TUT4: variants seen among roughly 807,000 people sequenced by gnomAD.
TUT4 encodes terminal uridylyl transferase 4, also known as terminal uridylyltransferase 4.
A neutral mutation model predicts 192.2 loss-of-function variants in TUT4; 36 were observed. The observed-to-expected ratio is 0.19, with a 90% CI of 0.14 to 0.25. The LOEUF is 0.25. TUT4 is among the 10% of genes least tolerant of loss of function. The pLI is 1.00. For missense variants in TUT4, 1,493 were observed against 1,957.2 expected (o/e 0.76, Z 4.47); for synonymous variants, 618 against 666.0 (o/e 0.93, Z 1.11).
chr1:52,495,683 T>G (rs1672278474), intron 5 of TUT4, among the ~76,000 whole-genome samples, 168 bp from the exon 6 acceptor site: 1 of 152,122 alleles, frequency 6.6e-6, no homozygotes. Flanking sequence ...AATAAAAAAA[T>G]GGTTCCCAGT....
Position 52,425,388 on chromosome 1 carries a change from T to C in TUT4, c.4831A>G (p.Asn1611Asp), listed in dbSNP as rs756953771. Residue 1611 changes from asparagine to aspartate, a missense_variant, in exon 29 of 30, where the codon AAT (asparagine) becomes GAT (aspartate). Around this residue, in one of 7 missense-constraint regions of TUT4, gnomAD observed 351 missense variants for 397.8 expected, o/e 0.88. Transcript: ENST00000257177. ...GGTTTGTTGGGCTGGAATCGGGCATTTCCCTGATGCATGAAGTTTTGATGC... is the reference window on the plus strand; with the variant it reads ...GGTTTGTTGGGCTGGAATCGGGCATCTCCCTGATGCATGAAGTTTTGATGC... ...GLHQNFMHQGNARFQPNKPFY... is the reference protein window; with the variant it reads ...GLHQNFMHQGDARFQPNKPFY... 19 of 1,613,770 alleles carry C rather than the reference T, an allele frequency of 1.2e-5. No homozygotes were observed. In the South Asian group the frequency reaches 2.1e-4, roughly 18 times the overall value.
chr1:52,423,934 A>G lies in TUT4; in HGVS notation c.*1T>C, dbSNP rs1648871345. Reference sequence around the variant, plus strand: ...ACCAGCTGAAAGAAAATGGACTCGCATTACTCCGACACGTTTCCTCTTGGT... The same window carrying G: ...ACCAGCTGAAAGAAAATGGACTCGCGTTACTCCGACACGTTTCCTCTTGGT... On this transcript the variant is annotated 3_prime_UTR_variant, in exon 30 of 30. Transcript: ENST00000257177. 1.5e-5 allele frequency: 24 copies of G among 1,612,902 alleles called. No homozygotes were observed. The highest frequency in any genetic ancestry group is 2.0e-5 in the Non-Finnish European group (24 of 1,179,554).
At chr1:52,447,764 C>A (rs567251722) in intron 20 of TUT4, among the ~76,000 whole-genome samples, 1 of 152,218 alleles carries the variant, frequency 6.6e-6, no homozygotes, top group South Asian at 2.1e-4. Flanking sequence ...TGGTTCTGGG[C>A]AAGACAATCA....
At chr1:52,456,206 C>G (rs1223811110) in intron 20 of TUT4, among the ~76,000 whole-genome samples, 1 of 151,704 alleles carries the variant, frequency 6.6e-6, no homozygotes, top group Non-Finnish European at 1.5e-5. Flanking sequence ...ACATTAGAGA[C>G]CAGCCTGGCC....
intron 7 of TUT4, among the ~76,000 whole-genome samples, chr1:52,492,972 C>T (rs1372525431): frequency 6.6e-6 from 1 of 152,134 alleles, no homozygotes; most frequent in African/African-American, 2.4e-5. Flanking sequence ...TCAGTAATGA[C>T]CTCATAATGA....
intron 7 of TUT4, among the ~76,000 whole-genome samples, chr1:52,491,382 C>G (rs773258973): frequency 2.1e-4 from 32 of 152,096 alleles, no homozygotes; most frequent in Non-Finnish European, 4.6e-4. Flanking sequence ...CCATAAATGT[C>G]TAATCTAAAT....
chr1:52,436,762 ACTG>A lies in TUT4; in HGVS notation c.4152_4154del (p.Ser1385del), dbSNP rs746903493. The A allele has an allele frequency of 6.2e-7, 1 of 1,613,074 alleles. No individual in the cohort carries two copies. Reference sequence around the variant, plus strand: ...TTGGCCTTTTCTATTTACCTGCCACACTGCTATTCCTCTGACGGGCCAGCTTGA... The same window carrying A: ...TTGGCCTTTTCTATTTACCTGCCACACTATTCCTCTGACGGGCCAGCTTGA... On this transcript the variant is annotated inframe_deletion, in exon 26 of 30. Transcript: ENST00000257177.
At chr1:52,479,547 A>G (rs1667949166) in intron 11 of TUT4, among the ~76,000 whole-genome samples, 1 of 152,166 alleles carries the variant, frequency 6.6e-6, no homozygotes, top group African/African-American at 2.4e-5. Context: ...AAAGAGAAGT[A>G]AAGGATGACT....
chr1:52,488,786 A>C (rs1670437830), intron 9 of TUT4, 123 bp downstream of exon 9: 1 of 1,094,486 alleles, frequency 9.1e-7, no homozygotes, highest in African/African-American at 1.6e-5. Context: ...AGCACAGAAA[A>C]CTACTTTCTC....
chr1:52,424,870 C>T (rs1347197107), intron 29 of TUT4: 2 of 153,118 alleles, frequency 1.3e-5, no homozygotes, highest in Non-Finnish European at 2.9e-5. Context: ...GCCTTATCAC[C>T]ATCTTTCCCA....
intron 3 of TUT4, among the ~76,000 whole-genome samples, chr1:52,511,070 C>A (rs865971328): frequency 6.6e-6 from 1 of 152,172 alleles, no homozygotes; most frequent in Non-Finnish European, 1.5e-5. Context: ...TACATAATTT[C>A]TTTTAAATGA....
chr1:52,502,278 T>C (rs929913486), intron 4 of TUT4, among the ~76,000 whole-genome samples: 12 of 152,160 alleles, frequency 7.9e-5, no homozygotes, highest in African/African-American at 2.4e-4. Flanking sequence ...TCCAATATTT[T>C]TGACAGACAT....
intron 27 of TUT4, chr1:52,433,819 TG>T (rs1652881333): frequency 6.6e-6 from 1 of 152,162 alleles, no homozygotes; most frequent in African/African-American, 2.4e-5. Context: ...AACTGAACAA[TG>T]CATGTGGAAC....
intron 3 of TUT4, among the ~76,000 whole-genome samples, chr1:52,514,171 T>C (rs12039588): frequency 0.087 from 13,276 of 152,212 alleles, 737 homozygotes; most frequent in East Asian, 0.2. Flanking sequence ...CCGGGCACGG[T>C]GGCTCCTGCC....
At chr1:52,515,830 T>A in intron 3 of TUT4, 61 bp downstream of exon 3, 1 of 1,598,920 alleles carries the variant, frequency 6.3e-7, no homozygotes, top group Non-Finnish European at 8.6e-7. Context: ...AAAGCTGTAC[T>A]TGGGGAAAAC....
chr1:52,456,268 T>C (rs1223409585), intron 20 of TUT4, among the ~76,000 whole-genome samples: 1 of 151,536 alleles, frequency 6.6e-6, no homozygotes, highest in African/African-American at 2.4e-5. Context: ...CAGGGCGTGG[T>C]GGTGCACACC....
chr1:52,501,267 C>A (rs895092777), intron 4 of TUT4, among the ~76,000 whole-genome samples: 1 of 152,058 alleles, frequency 6.6e-6, no homozygotes. Context: ...AATAAGAAAA[C>A]AAACAACCCA....
intron 1 of TUT4, among the ~76,000 whole-genome samples, chr1:52,544,679 C>A (rs1411402344): frequency 6.6e-6 from 1 of 152,094 alleles, no homozygotes; most frequent in Admixed American, 6.5e-5. Flanking sequence ...ACCAAAGGCA[C>A]GGGCAACAAA....
At chr1:52,443,848 G>A (rs1306168288) in intron 24 of TUT4, among the ~76,000 whole-genome samples, 8 of 152,292 alleles carry the variant, frequency 5.3e-5, no homozygotes, top group African/African-American at 1.7e-4. Context: ...AACACAAATA[G>A]TTGGATTCCT....
Sources: allele counts gnomAD v4.1 joint callset (sites outside exome capture counted in the v4.1 genomes callset), GRCh38; gene constraint gnomAD v4.1.1; regional missense constraint gnomAD v4.1.1; transcripts MANE v1.5; gene names NCBI Gene and HGNC (gene_info 2026-07-23, HGNC 2026-07-21).